The following SEMA6D variants were observed in gnomAD, a reference collection of about 807,000 sequenced individuals.
The protein encoded by SEMA6D is semaphorin 6D, also known as semaphorin-6D.
A neutral mutation model predicts 106.6 loss-of-function variants in SEMA6D; 35 were observed. The observed-to-expected ratio is 0.33, with a 90% confidence interval of 0.25 to 0.44. SEMA6D has a LOEUF of 0.44. SEMA6D is among the 20% of genes least tolerant of loss of function. The pLI is 1.00. For missense variants in SEMA6D, 1,185 were observed against 1,345.9 expected, an observed-to-expected ratio of 0.88 and a Z score of 1.87; for synonymous variants, 499 against 487.7, an observed-to-expected ratio of 1.02 and a Z score of -0.31.
At chr15:47,539,728 C>A (rs2045298028) in intron 3 of SEMA6D, among the ~76,000 whole-genome samples, 1 of 152,138 alleles carries the variant, frequency 6.6e-6, no homozygotes, top group African/African-American at 2.4e-5. Context: ...CAAACAGGAG[C>A]AAAGAAAGGA....
chr15:47,657,407 T>G (rs564614105), intron 4 of SEMA6D, among the ~76,000 whole-genome samples: 1 of 152,278 alleles, frequency 6.6e-6, no homozygotes, highest in Admixed American at 6.5e-5. Context: ...TTCTACTCAT[T>G]TTTAGCTTTT....
At chr15:47,640,620 A>G (rs2077471248) in intron 4 of SEMA6D, among the ~76,000 whole-genome samples, 1 of 152,130 alleles carries the variant, frequency 6.6e-6, no homozygotes, top group Admixed American at 6.5e-5. Flanking sequence ...TGAATTTTGT[A>G]CGTCTATGAG....
intron 1 of SEMA6D, among the ~76,000 whole-genome samples, chr15:47,378,083 G>A (rs750768601): frequency 6.6e-5 from 10 of 152,188 alleles, no homozygotes; most frequent in Admixed American, 2.6e-4. Context: ...ATAGAAACAC[G>A]ATTCTCTCCT....
At chr15:47,417,728 A>T (rs1026345978) in intron 2 of SEMA6D, among the ~76,000 whole-genome samples, 1 of 152,006 alleles carries the variant, frequency 6.6e-6, no homozygotes, top group East Asian at 1.9e-4. Context: ...TAAATGGAGG[A>T]TATCATGGTA....
intron 1 of SEMA6D, among the ~76,000 whole-genome samples, chr15:47,405,662 T>C (rs2040540744): frequency 6.6e-6 from 1 of 152,206 alleles, no homozygotes; most frequent in Non-Finnish European, 1.5e-5. Flanking sequence ...CCTGAAGGCG[T>C]GCCTCTTCTT....
intron 1 of SEMA6D, chr15:47,241,469 TG>T (rs2032903973): frequency 6.6e-6 from 1 of 152,292 alleles, no homozygotes; most frequent in Non-Finnish European, 1.5e-5. Context: ...AGCTTGATTT[TG>T]TTTGCCTGGA....
At chr15:47,267,082 G>T (rs887525005) in intron 1 of SEMA6D, among the ~76,000 whole-genome samples, 1 of 151,922 alleles carries the variant, frequency 6.6e-6, no homozygotes, top group South Asian at 2.1e-4. Context: ...TTTGCTTTAC[G>T]CCTTGGTTGC....
At chr15:47,543,672 T>A (rs1298598361) in intron 3 of SEMA6D, among the ~76,000 whole-genome samples, 1 of 152,050 alleles carries the variant, frequency 6.6e-6, no homozygotes, top group Admixed American at 6.6e-5. Flanking sequence ...TTTTCCACCT[T>A]TTTAAATTAT....
chr15:47,761,598 G>C, intron 6 of SEMA6D, 63 bp from the exon 7 acceptor site: 2 of 1,333,910 alleles, frequency 1.5e-6, no homozygotes, highest in Non-Finnish European at 2.1e-6. Flanking sequence ...AAATAAAATA[G>C]TATTGCCTTC....
At chr15:47,253,422 C>G (rs530006869) in intron 1 of SEMA6D, among the ~76,000 whole-genome samples, 1 of 152,070 alleles carries the variant, frequency 6.6e-6, no homozygotes, top group Non-Finnish European at 1.5e-5. Context: ...CTATTCAAAA[C>G]AATACTCACC....
intron 1 of SEMA6D, among the ~76,000 whole-genome samples, chr15:47,390,822 T>G (rs2040003586): frequency 6.6e-6 from 1 of 152,180 alleles, no homozygotes; most frequent in Admixed American, 6.5e-5. Context: ...TTGGAATCTG[T>G]CTTCCCTACT....
chr15:47,218,321 T>TG (rs1321288669), intron 1 of SEMA6D, among the ~76,000 whole-genome samples: 1 of 152,192 alleles, frequency 6.6e-6, no homozygotes, highest in African/African-American at 2.4e-5. Context: ...GGTCTTCATT[T>TG]GTCTGTCTCT....
At chr15:47,385,693 A>G (rs1000856528) in intron 1 of SEMA6D, among the ~76,000 whole-genome samples, 12 of 152,108 alleles carry the variant, frequency 7.9e-5, no homozygotes, top group African/African-American at 2.7e-4. Context: ...TTTTAAAAAA[A>G]ACAAGAATTA....
rs780291106 is a variant in SEMA6D, at chr15:47,771,682, C to T, written c.3119C>T (p.Thr1040Met). ...SYTSNGTLPR[T>M]GLKRTPSLKP... ...ACCAGTAATGGCACTCTTCCTAGGA[C>T]GGGACTAAAGAGGACGCCGTCCTTA... is the stretch of plus-strand genomic sequence containing the variant. The change falls in exon 19 of 19, where the codon ACG (threonine) becomes ATG (methionine). Residue 1040 changes from threonine to methionine, a missense_variant. Transcript: ENST00000536845. The T allele has an allele frequency of 6.8e-6, 11 of 1,613,916 alleles. No homozygotes were observed. The highest frequency in any genetic ancestry group is 3.3e-5 in the Admixed American group (2 of 60,004).
intron 3 of SEMA6D, among the ~76,000 whole-genome samples, chr15:47,577,631 G>A (rs761745177): frequency 7.9e-5 from 12 of 152,240 alleles, no homozygotes; most frequent in Non-Finnish European, 1.3e-4. Flanking sequence ...AGTCCAGGGA[G>A]GATGGTGGGA....
intron 1 of SEMA6D, among the ~76,000 whole-genome samples, chr15:47,407,409 C>CAAAAA (rs1323921492): frequency 8.4e-6 from 1 of 118,864 alleles, no homozygotes; most frequent in Non-Finnish European, 1.7e-5. Flanking sequence ...ACAACAACAA[C>CAAAAA]AAAAAAAACA....
intron 1 of SEMA6D, among the ~76,000 whole-genome samples, chr15:47,408,618 G>A (rs2040677528): frequency 6.6e-6 from 1 of 152,158 alleles, no homozygotes; most frequent in African/African-American, 2.4e-5. Flanking sequence ...ATTGCACAGA[G>A]AGATTAAAAA....
In SEMA6D at chr15:47,655,604, TC is replaced by T. The variant is rs544515880; in HGVS notation, c.-55+54709del. Among the ~76,000 whole-genome samples the T allele has an allele frequency of 1.2e-3, 183 of 152,318 alleles. 1 individual carries two copies. The highest frequency in any genetic ancestry group is 3.9e-3 in the African/African-American group (161 of 41,572). The stretch of plus-strand genomic sequence containing the variant: ...CCTTCAAAGAAGATGAATTATAAGT[TC>T]ATTATTAGTATTTAGAAAACATGTG... On this transcript the variant is annotated intron_variant, in intron 4 of 19. Transcript: ENST00000558014.
At chr15:47,444,944 G>A (rs1369624356) in intron 2 of SEMA6D, among the ~76,000 whole-genome samples, 1 of 152,112 alleles carries the variant, frequency 6.6e-6, no homozygotes, top group Non-Finnish European at 1.5e-5. Flanking sequence ...GGATGAATGT[G>A]GGGGTTTTAC....
Sources: allele counts gnomAD v4.1 joint callset (sites outside exome capture counted in the v4.1 genomes callset), GRCh38; gene constraint gnomAD v4.1.1; transcripts MANE v1.5; gene names NCBI Gene and HGNC (gene_info 2026-07-23, HGNC 2026-07-21).